Variants in RARB observed in about 807,000 individuals in gnomAD.
RARB encodes HBV-activated protein.
RARB carries 17 observed loss-of-function variants against 51.9 expected under a neutral mutation model. That is an observed-to-expected ratio of 0.33 (90% CI 0.22 to 0.49). The LOEUF (loss-of-function observed/expected upper bound fraction) is 0.49. Ranked by LOEUF, RARB falls within the 20% of genes least tolerant of loss-of-function variation. The pLI is 0.99. For synonymous variants in RARB, 215 were observed against 195.4 expected (o/e 1.10, Z -0.84); for missense variants, 369 against 550.8 (o/e 0.67, Z 3.30).
In RARB at chr3:25,019,878, G is replaced by A. The variant is rs73144923; in HGVS notation, c.-379-40247G>A. Among the ~76,000 whole-genome samples, 669 of 152,174 alleles carry A rather than the reference G, an allele frequency of 4.4e-3. 5 individuals carry two copies. The highest frequency in any genetic ancestry group is 0.015 in the African/African-American group (621 of 41,526). On this transcript the variant is annotated intron_variant, in intron 2 of 11. Transcript: ENST00000383772. Reference sequence around the variant, plus strand: ...TTCCATGGGGGCACTTGTTTCATAGGCAGCAGGGAGCTTGGGAGATTAAAG... The same window carrying A: ...TTCCATGGGGGCACTTGTTTCATAGACAGCAGGGAGCTTGGGAGATTAAAG...
intron 5 of RARB, among the ~76,000 whole-genome samples, chr3:25,361,839 T>A (rs1705946174): frequency 6.6e-6 from 1 of 152,204 alleles, no homozygotes; most frequent in Non-Finnish European, 1.5e-5. Context: ...TGCTGCTTTC[T>A]CCTTCCTCTG....
intron 4 of RARB, among the ~76,000 whole-genome samples, chr3:25,169,620 A>G (rs1700610186): frequency 6.6e-6 from 1 of 152,208 alleles, no homozygotes; most frequent in South Asian, 2.1e-4. Flanking sequence ...GTTGGGAGTA[A>G]GGAGAAAGAG....
intron 5 of RARB, among the ~76,000 whole-genome samples, chr3:25,186,819 T>C (rs1157595500): frequency 1.3e-5 from 2 of 150,408 alleles, no homozygotes; most frequent in African/African-American, 4.9e-5. Flanking sequence ...ACATACAAAT[T>C]TGTTTAATGT....
chr3:24,947,429 G>A (rs1695798615), intron 2 of RARB, among the ~76,000 whole-genome samples: 1 of 152,306 alleles, frequency 6.6e-6, no homozygotes, highest in East Asian at 1.9e-4. Context: ...GATATTATGT[G>A]TGTTCAGAGG....
chr3:24,888,536 G>T (rs891179987), intron 2 of RARB, among the ~76,000 whole-genome samples: 1 of 151,914 alleles, frequency 6.6e-6, no homozygotes, highest in Non-Finnish European at 1.5e-5. Flanking sequence ...ATCAGCCAAA[G>T]TTGGGTTTAA....
intron 2 of RARB, among the ~76,000 whole-genome samples, chr3:25,002,328 G>A (rs2125275557): frequency 6.6e-6 from 1 of 152,236 alleles, no homozygotes; most frequent in Non-Finnish European, 1.5e-5. Flanking sequence ...GAACCCTGTA[G>A]ATATTTATTC....
chr3:25,290,557 T>C (rs1183987064), intron 5 of RARB, among the ~76,000 whole-genome samples: 1 of 152,214 alleles, frequency 6.6e-6, no homozygotes, highest in Non-Finnish European at 1.5e-5. Context: ...CTGGGGAAGA[T>C]GATTCCTTCA....
In RARB at chr3:25,309,129, ATTTTTTTTTT is replaced by A. The variant is rs1171133293; in HGVS notation, c.178+134572_178+134581del. Among the ~76,000 whole-genome samples the A allele has an allele frequency of 1.5e-3, 135 of 93,006 alleles. 1 individual carries two copies. The highest frequency in any genetic ancestry group is 6.2e-3 in the African/African-American group (124 of 19,968). 61.0% of individuals were successfully genotyped at this position (93,006 alleles called of 152,430 possible). On this transcript the variant is annotated intron_variant, in intron 5 of 11. Coordinates refer to the RARB transcript ENST00000383772. Reference sequence around the variant, plus strand: ...TCATTTCTGCGTGGACTGTGCCTCCATTTTTTTTTTTTTTTTTTTTTTTTTTTGAGATGGA... The same window carrying A: ...TCATTTCTGCGTGGACTGTGCCTCCATTTTTTTTTTTTTTTTTGAGATGGA...
intron 4 of RARB, among the ~76,000 whole-genome samples, chr3:25,137,567 A>G (rs753148707): frequency 1.3e-5 from 2 of 152,130 alleles, no homozygotes; most frequent in Non-Finnish European, 2.9e-5. Flanking sequence ...TATTTTCCAC[A>G]TAGATGTTAA....
intron 2 of RARB, among the ~76,000 whole-genome samples, chr3:25,484,209 T>C (rs578246776): frequency 6.6e-6 from 1 of 152,310 alleles, no homozygotes; most frequent in African/African-American, 2.4e-5. Flanking sequence ...GGGAATTTTC[T>C]TTATGAGAAA....
At chr3:24,861,020 C>A (rs183850389) in intron 2 of RARB, among the ~76,000 whole-genome samples, 22 of 152,052 alleles carry the variant, frequency 1.4e-4, no homozygotes, top group Non-Finnish European at 2.6e-4. Context: ...GAAGGTATCC[C>A]CATCATTAAG....
chr3:24,901,791 A>G (rs1650621025), intron 2 of RARB, among the ~76,000 whole-genome samples: 1 of 152,154 alleles, frequency 6.6e-6, no homozygotes, highest in Non-Finnish European at 1.5e-5. Context: ...GCTTCTTAGA[A>G]TAGCAGTTTT....
At chr3:25,138,758 A>C (rs528464291) in intron 4 of RARB, among the ~76,000 whole-genome samples, 12 of 152,294 alleles carry the variant, frequency 7.9e-5, no homozygotes, top group African/African-American at 2.9e-4. Context: ...TAACTTGACT[A>C]AATTAATTAA....
At chr3:25,265,427 C>T (rs1177747685) in intron 5 of RARB, among the ~76,000 whole-genome samples, 1 of 152,116 alleles carries the variant, frequency 6.6e-6, no homozygotes, top group Non-Finnish European at 1.5e-5. Context: ...GTTTCCCTTG[C>T]TACTACAAAA....
At chr3:25,000,088 A>G (rs770069289) in intron 2 of RARB, among the ~76,000 whole-genome samples, 24 of 152,134 alleles carry the variant, frequency 1.6e-4, no homozygotes, top group Non-Finnish European at 2.9e-4. Flanking sequence ...TTAGAATGAG[A>G]GACAATTTCT....
rs115690034 is a variant in RARB, at chr3:25,252,201, A to G, written c.178+77626A>G. ...GTGCTTACTTCTGGACTACACATCTATTTCTTTGATCTATATGTCTATTCT... is the reference window on the plus strand; with the variant it reads ...GTGCTTACTTCTGGACTACACATCTGTTTCTTTGATCTATATGTCTATTCT... On this transcript the variant is annotated intron_variant, in intron 5 of 11. Coordinates refer to the RARB transcript ENST00000383772. Among the ~76,000 whole-genome samples the G allele has an allele frequency of 1.7e-3, 260 of 152,148 alleles. 1 individual carries two copies. The highest frequency in any genetic ancestry group is 5.8e-3 in the African/African-American group (242 of 41,524).
chr3:25,176,350 C>CTTTCTTTCTTTCTTTCTTTCTTTCTTTGT (rs1700749355), intron 5 of RARB, among the ~76,000 whole-genome samples: 1 of 50,490 alleles, frequency 2.0e-5, no homozygotes, highest in South Asian at 6.3e-4. Flanking sequence ...TCCTTCCTTC[C>CTTTCTTTCTTTCTTTCTTTCTTTCTTTGT]TTCCTTCCTT....
At chr3:24,840,828 A>C (rs1359743451) in intron 1 of RARB, among the ~76,000 whole-genome samples, 1 of 151,682 alleles carries the variant, frequency 6.6e-6, no homozygotes, top group East Asian at 1.9e-4. Context: ...CTTCCAAATC[A>C]CTTAATAAAA....
intron 2 of RARB, among the ~76,000 whole-genome samples, chr3:24,952,994 C>T (rs1056827866): frequency 3.3e-5 from 5 of 151,956 alleles, no homozygotes; most frequent in Admixed American, 6.6e-5. Context: ...TATAGTATAG[C>T]CTATTGAAAC....
Sources: gnomAD v4.1 joint callset for allele counts (sites outside exome capture counted in the v4.1 genomes callset) on GRCh38, gnomAD v4.1.1 for gene constraint, MANE v1.5 for transcripts, NCBI Gene and HGNC (gene_info 2026-07-23, HGNC 2026-07-21) for gene names.